Variants in CDK5RAP1 observed in about 807,000 individuals in gnomAD.
CDK5RAP1 encodes the protein CDK5RAP1 mitochondrial tRNA methylthiotransferase, also known as mitochondrial tRNA methylthiotransferase CDK5RAP1.
In CDK5RAP1, 62 loss-of-function variants were observed where a neutral mutation model predicts 64.5. That is an observed-to-expected ratio of 0.96 (90% CI 0.78 to 1.19). The LOEUF (loss-of-function observed/expected upper bound fraction) is 1.19, where lower values mean the gene tolerates loss of function less well. CDK5RAP1 is among the 50% of genes most tolerant of loss of function. The pLI is 0.00. For synonymous variants in CDK5RAP1, 250 were observed against 261.9 expected (o/e 0.95, Z 0.44); for missense variants, 657 against 735.0 (o/e 0.89, Z 1.23).
intron 2 of CDK5RAP1, among the ~76,000 whole-genome samples, chr20:33,395,613 AT>A (rs1463343708): frequency 6.6e-6 from 1 of 152,218 alleles, no homozygotes; most frequent in Non-Finnish European, 1.5e-5. Flanking sequence ...AAACAAAAAA[AT>A]ATACCACATT....
chr20:33,384,727 C>T (rs542631531), intron 7 of CDK5RAP1, among the ~76,000 whole-genome samples: 1 of 152,074 alleles, frequency 6.6e-6, no homozygotes, highest in East Asian at 1.9e-4. Flanking sequence ...CATAGTGAGA[C>T]CTCATCTCTA....
intron 8 of CDK5RAP1, among the ~76,000 whole-genome samples, chr20:33,374,772 TAGAAATACTGACCTC>T (rs1985716856): frequency 6.6e-6 from 1 of 151,854 alleles, no homozygotes; most frequent in East Asian, 2.0e-4. Context: ...CAGGCTGGAC[TAGAAATACTGACCTC>T]AAGTGATCCG....
At chr20:33,366,154 A>G (rs1206000128) in intron 12 of CDK5RAP1, among the ~76,000 whole-genome samples, 3 of 152,010 alleles carry the variant, frequency 2.0e-5, no homozygotes, top group Non-Finnish European at 2.9e-5. Flanking sequence ...TCCTGTCTCT[A>G]CTAAAAATAC....
At chr20:33,392,274 A>G (rs1988408410) in intron 4 of CDK5RAP1, 32 bp from the exon 5 acceptor site, 1 of 1,367,718 alleles carries the variant, frequency 7.3e-7, no homozygotes, top group East Asian at 2.3e-5. Context: ...AGACTGAACC[A>G]AAAATAAACC....
intron 8 of CDK5RAP1, among the ~76,000 whole-genome samples, chr20:33,375,000 AT>A (rs889857457): frequency 6.6e-6 from 1 of 151,508 alleles, no homozygotes. Context: ...CCTTGGGTCT[AT>A]TTTTTTTAAT....
At chr20:33,392,329 C>A in intron 4 of CDK5RAP1, 87 bp from the exon 5 acceptor site, 1 of 686,554 alleles carries the variant, frequency 1.5e-6, no homozygotes, top group Non-Finnish European at 2.4e-6. Flanking sequence ...AAAATAAAAA[C>A]CACCTTCAAC....
intron 11 of CDK5RAP1, among the ~76,000 whole-genome samples, chr20:33,368,605 G>C (rs941996394): frequency 2.6e-5 from 4 of 151,630 alleles, no homozygotes; most frequent in Non-Finnish European, 5.9e-5. Context: ...GGGCACAGTG[G>C]CTCATGCCTG....
chr20:33,385,793 T>C (rs1261720862), intron 6 of CDK5RAP1, 23 bp from the exon 7 acceptor site: 3 of 1,603,406 alleles, frequency 1.9e-6, no homozygotes, highest in East Asian at 4.5e-5. Flanking sequence ...GTACCAGAAC[T>C]TAGTAACAGT....
chr20:33,388,609 C>G (rs1987803913), intron 5 of CDK5RAP1, among the ~76,000 whole-genome samples: 1 of 142,186 alleles, frequency 7.0e-6, no homozygotes, highest in Non-Finnish European at 1.5e-5. Context: ...TCCCCACAGT[C>G]TCCGTCTCCC....
intron 5 of CDK5RAP1, among the ~76,000 whole-genome samples, chr20:33,391,776 C>T (rs1229559193): frequency 6.6e-6 from 1 of 151,854 alleles, no homozygotes; most frequent in Non-Finnish European, 1.5e-5. Context: ...GCCAAGATCT[C>T]GCCATTGCAC....
intron 5 of CDK5RAP1, among the ~76,000 whole-genome samples, chr20:33,387,830 G>A (rs1987655109): frequency 6.6e-6 from 1 of 152,092 alleles, no homozygotes; most frequent in Non-Finnish European, 1.5e-5. Flanking sequence ...ACTTTGGGGG[G>A]CCGAGGCAGG....
chr20:33,391,614 G>A (rs944980058), intron 5 of CDK5RAP1, among the ~76,000 whole-genome samples: 1 of 152,208 alleles, frequency 6.6e-6, no homozygotes, highest in Non-Finnish European at 1.5e-5. Flanking sequence ...CCGAGGTCAG[G>A]AGTTCGAGAC....
chr20:33,375,022 A>G (rs1985755812), intron 8 of CDK5RAP1, among the ~76,000 whole-genome samples: 1 of 151,842 alleles, frequency 6.6e-6, no homozygotes, highest in Admixed American at 6.6e-5. Flanking sequence ...TTTTAAAAGA[A>G]GAAAAAAGAA....
intron 10 of CDK5RAP1, among the ~76,000 whole-genome samples, chr20:33,372,152 A>C (rs1011947756): frequency 3.9e-5 from 6 of 152,166 alleles, no homozygotes; most frequent in African/African-American, 1.2e-4. Flanking sequence ...ATTATGCTTA[A>C]AGTATTCTAA....
In CDK5RAP1 at chr20:33,380,424, A is replaced by T. The variant is rs115178513; in HGVS notation, c.877-733T>A. ...ACCATGTTGCACAGACTGGTTTTAA[A>T]CTCCTAAACTCAAGCAATCCTCCCA... On this transcript the variant is annotated intron_variant, in intron 7 of 13. Transcript: ENST00000346416. 9.8e-3 allele frequency among the ~76,000 whole-genome samples: 1,483 copies of T among 151,948 alleles called. 15 individuals are homozygous for T. Among genetic ancestry groups the T allele is most frequent in the African/African-American group, 0.033 (1,366 of 41,442 alleles).
rs776928550 is a variant in CDK5RAP1, at chr20:33,370,519, A to C, written c.1372T>G (p.Phe458Val). Residue 458 changes from phenylalanine to valine, a missense_variant, in exon 11 of 14, where the codon TTT (phenylalanine) becomes GTT (valine). Transcript: ENST00000346416. The part of the protein sequence containing the change: ...REVQYNMGFL[F>V]AYSMRQKTRA... ...CTCACCTGTCTCATGCTGTAGGCAAAGAGGAAGCCCATGTTGTACTGAACT... is the reference window on the plus strand; with the variant it reads ...CTCACCTGTCTCATGCTGTAGGCAACGAGGAAGCCCATGTTGTACTGAACT... The C allele has an allele frequency of 5.0e-6, 8 of 1,614,144 alleles. No individual in the cohort carries two copies. The East Asian group carries it at 1.6e-4, about 31-fold the overall frequency.
At position 33,387,542 on chromosome 20, in the gene CDK5RAP1, G is replaced by A. The variant is rs188759469; in HGVS notation, c.545-9C>T. 1 of 1,610,516 alleles carries A rather than the reference G, an allele frequency of 6.2e-7. No individual in the cohort carries two copies. The highest frequency in any genetic ancestry group is 8.5e-7 in the Non-Finnish European group (1 of 1,177,418). ...CCTCTCAGCCATGCAGCCTGGAAGG[G>A]AAAAAGAAACAAGCACCTTTCCCCA... On this transcript the variant is annotated splice_polypyrimidine_tract_variant and intron_variant, in intron 5 of 13. Coordinates refer to ENST00000346416, the MANE Select transcript of CDK5RAP1 (RefSeq NM_016408.4).
chr20:33,386,933 G>A (rs1335345690), intron 6 of CDK5RAP1, among the ~76,000 whole-genome samples: 2 of 152,128 alleles, frequency 1.3e-5, no homozygotes, highest in Non-Finnish European at 2.9e-5. Flanking sequence ...TTTACAAAAA[G>A]AGGTAGTAAG....
rs148077981 is a variant in CDK5RAP1, at chr20:33,359,525, A to C, written c.1684-402T>G. The C allele has an allele frequency of 1.7e-3, 307 of 180,912 alleles. 2 individuals carry two copies. The highest frequency in any genetic ancestry group is 6.8e-3 in the African/African-American group (290 of 42,514). The allele number at this position is 180,912 out of a possible 1,614,324, so 11.2% of individuals were successfully genotyped here. A position where few individuals can be genotyped will look rare whatever the true frequency, so the allele number is the denominator to read the frequency against. ...TTCTCTCTCCTCCAATTGAGAGCTAAAAGAATGTGACCCCAAAGTTATCTG... is the reference window on the plus strand; with the variant it reads ...TTCTCTCTCCTCCAATTGAGAGCTACAAGAATGTGACCCCAAAGTTATCTG... On this transcript the variant is annotated intron_variant, in intron 13 of 13. Transcript: ENST00000346416.
Sources: gnomAD v4.1 joint callset for allele counts (sites outside exome capture counted in the v4.1 genomes callset) on GRCh38, gnomAD v4.1.1 for gene constraint, MANE v1.5 for transcripts, NCBI Gene and HGNC (gene_info 2026-07-23, HGNC 2026-07-21) for gene names.